HMG20A: variants seen among roughly 807,000 people sequenced by gnomAD.
The protein encoded by HMG20A is high mobility group 20A, also known as high mobility group protein 20A.
A neutral mutation model predicts 43.9 loss-of-function variants in HMG20A; 17 were observed. The ratio of observed to expected loss-of-function variants is 0.39; its 90% CI spans 0.27 to 0.58. The LOEUF is 0.58. HMG20A is among the 20% of genes least tolerant of loss of function. The pLI is 0.59. For missense variants in HMG20A, 341 were observed against 438.2 expected (o/e 0.78, Z 1.98); for synonymous variants, 132 against 147.5 (o/e 0.89, Z 0.76).
intron 1 of HMG20A, among the ~76,000 whole-genome samples, chr15:77,452,385 A>T (rs1206459001): frequency 6.6e-6 from 1 of 152,232 alleles, no homozygotes; most frequent in East Asian, 1.9e-4. Context: ...GGTGTTTAGT[A>T]CAGAATGCTC....
chr15:77,515,377 G>GTT, the HMG20A span, among the ~76,000 whole-genome samples: 5 of 151,442 alleles, frequency 3.3e-5, no homozygotes, highest in Non-Finnish European at 5.9e-5. Context: ...GAAATCTGCT[G>GTT]TTTTTTTTAA....
the HMG20A span, among the ~76,000 whole-genome samples, chr15:77,517,259 T>A: frequency 1.3e-5 from 2 of 152,276 alleles, no homozygotes; most frequent in South Asian, 4.1e-4. Context: ...CTCTACAATG[T>A]CTGTTTTTCT....
downstream of HMG20A, among the ~76,000 whole-genome samples, chr15:77,486,710 AG>A (rs2072947345): frequency 6.6e-6 from 1 of 152,198 alleles, no homozygotes; most frequent in African/African-American, 2.4e-5. Flanking sequence ...GCATTGGGCA[AG>A]TCTTGATTTG....
At chr15:77,509,533 GGCATGA>G in the HMG20A span, among the ~76,000 whole-genome samples, 9 of 149,712 alleles carry the variant, frequency 6.0e-5, no homozygotes, top group African/African-American at 2.2e-4. Context: ...TGGGAATACA[GGCATGA>G]GCCTCTGTGC....
At chr15:77,430,038 AC>A (rs1473529636) in intron 1 of HMG20A, among the ~76,000 whole-genome samples, 4 of 152,338 alleles carry the variant, frequency 2.6e-5, no homozygotes, top group African/African-American at 9.6e-5. Context: ...GAGCTTCATC[AC>A]TTACTAATAT....
chr15:77,476,107 G>C (rs889200701), intron 6 of HMG20A, among the ~76,000 whole-genome samples: 15 of 152,260 alleles, frequency 9.9e-5, no homozygotes, highest in African/African-American at 3.6e-4. Flanking sequence ...CAGGAGCTCG[G>C]GTGTCAGATT....
intron 1 of HMG20A, among the ~76,000 whole-genome samples, chr15:77,445,874 G>T (rs1004771364): frequency 6.6e-6 from 1 of 152,154 alleles, no homozygotes; most frequent in African/African-American, 2.4e-5. Flanking sequence ...TCAGAACAGT[G>T]TATAACTTAA....
the HMG20A span, among the ~76,000 whole-genome samples, chr15:77,496,771 T>G: frequency 6.6e-6 from 1 of 152,130 alleles, no homozygotes; most frequent in African/African-American, 2.4e-5. Flanking sequence ...TCAGATGTGT[T>G]GGCCGCCTTG....
rs143879866 is a variant in HMG20A, at chr15:77,436,527, C to T, written c.-5+15523C>T. Among the ~76,000 whole-genome samples, 1,115 of 151,764 alleles carry T rather than the reference C, an allele frequency of 7.3e-3. 16 individuals carry two copies. Among genetic ancestry groups the T allele is most frequent in the African/African-American group, 0.026 (1,055 of 41,372 alleles). On this transcript the variant is annotated intron_variant, in intron 1 of 9. Coordinates refer to ENST00000336216, the MANE Select transcript of HMG20A (RefSeq NM_001304504.2). ...AGGCTGGAGTGCAGTGGCATGTTCTCGGCTCATTGAATCCTCTGCCTCCCA... is the reference window on the plus strand; with the variant it reads ...AGGCTGGAGTGCAGTGGCATGTTCTTGGCTCATTGAATCCTCTGCCTCCCA...
At chr15:77,507,027 T>C in the HMG20A span, among the ~76,000 whole-genome samples, 2 of 152,226 alleles carry the variant, frequency 1.3e-5, no homozygotes, top group African/African-American at 4.8e-5. Context: ...CCCTCCTTCA[T>C]GTGGGTGGGC....
chr15:77,446,651 C>CA (rs1468113699), intron 1 of HMG20A, among the ~76,000 whole-genome samples: 1 of 151,822 alleles, frequency 6.6e-6, no homozygotes, highest in Non-Finnish European at 1.5e-5. Context: ...ACTAAAAATA[C>CA]AAAAAATTAG....
At chr15:77,475,984 G>A (rs1323718456) in intron 6 of HMG20A, among the ~76,000 whole-genome samples, 1 of 152,220 alleles carries the variant, frequency 6.6e-6, no homozygotes, top group Non-Finnish European at 1.5e-5. Flanking sequence ...AATACAAGTA[G>A]AAATTAAGTG....
At chr15:77,451,922 GC>G (rs2072607211) in intron 1 of HMG20A, among the ~76,000 whole-genome samples, 1 of 152,114 alleles carries the variant, frequency 6.6e-6, no homozygotes, top group Non-Finnish European at 1.5e-5. Context: ...ACATCAATCG[GC>G]CATGTTCACT....
chr15:77,428,962 CA>C (rs36116258), intron 1 of HMG20A, among the ~76,000 whole-genome samples: 272 of 107,060 alleles, frequency 2.5e-3, no homozygotes, highest in South Asian at 3.9e-3. Context: ...GACTCTGTCT[CA>C]AAAAAAAAAA....
At chr15:77,454,203 A>G (rs2072633953) in intron 1 of HMG20A, among the ~76,000 whole-genome samples, 1 of 151,100 alleles carries the variant, frequency 6.6e-6, no homozygotes, top group African/African-American at 2.4e-5. Flanking sequence ...GTGGTTGCCC[A>G]GGCCTAGGAG....
chr15:77,497,682 A>AGAGTGTGTGT, the HMG20A span, among the ~76,000 whole-genome samples: 7 of 119,086 alleles, frequency 5.9e-5, no homozygotes, highest in African/African-American at 1.9e-4. Context: ...AGAGAGAGAG[A>AGAGTGTGTGT]GTGTGTGTGT....
At chr15:77,456,743 TAC>T (rs1399637066) in intron 1 of HMG20A, among the ~76,000 whole-genome samples, 1 of 152,144 alleles carries the variant, frequency 6.6e-6, no homozygotes, top group Non-Finnish European at 1.5e-5. Flanking sequence ...TAACAGATAT[TAC>T]AGTTTTCTTT....
Position 77,479,326 on chromosome 15 carries a change from G to A in HMG20A, c.*6+5G>A. ...AGACTCGATCGTTAGGGAATGGTGAGTGCTCACTGATAAATATTTATATGC... is the reference window on the plus strand; with the variant it reads ...AGACTCGATCGTTAGGGAATGGTGAATGCTCACTGATAAATATTTATATGC... On this transcript the variant is annotated splice_donor_5th_base_variant and intron_variant, in intron 9 of 9. Coordinates refer to ENST00000336216, the MANE Select transcript of HMG20A (RefSeq NM_001304504.2). 6.2e-7 allele frequency: 1 copy of A among 1,611,790 alleles called. No individual in the cohort carries two copies. Among genetic ancestry groups the A allele is most frequent in the Non-Finnish European group, 8.5e-7 (1 of 1,179,234 alleles).
chr15:77,450,463 A>G (rs1461632276), intron 1 of HMG20A, among the ~76,000 whole-genome samples: 1 of 152,234 alleles, frequency 6.6e-6, no homozygotes, highest in Non-Finnish European at 1.5e-5. Flanking sequence ...CAAAGTTTGT[A>G]TACATTGAAC....
Sources: allele counts gnomAD v4.1 joint callset (sites outside exome capture counted in the v4.1 genomes callset), GRCh38; gene constraint gnomAD v4.1.1; transcripts MANE v1.5; gene names NCBI Gene and HGNC (gene_info 2026-07-23, HGNC 2026-07-21).